Variants in AK8 observed in about 807,000 individuals in gnomAD.
The protein encoded by AK8 is ATP-AMP transphosphorylase 8.
In AK8, 44 loss-of-function variants were observed where a neutral mutation model predicts 54.6. That is an observed-to-expected ratio of 0.81 (90% CI 0.63 to 1.04). AK8 has a LOEUF of 1.04. Ranked by LOEUF, AK8 falls within the 50% of genes least tolerant of loss-of-function variation. AK8 has a pLI of 0.00. For synonymous variants in AK8, 239 were observed against 245.6 expected, an observed-to-expected ratio of 0.97 and a Z score of 0.25; for missense variants, 555 against 613.6, an observed-to-expected ratio of 0.90 and a Z score of 1.01.
At chr9:132,752,253 T>A (rs965984793) in intron 11 of AK8, among the ~76,000 whole-genome samples, 5 of 136,308 alleles carry the variant, frequency 3.7e-5, no homozygotes, top group East Asian at 2.1e-4. Context: ...TTTTCTAACT[T>A]TTTTTTTTTT....
At chr9:132,782,052 T>C (rs1314645850) in intron 11 of AK8, among the ~76,000 whole-genome samples, 2 of 152,220 alleles carry the variant, frequency 1.3e-5, no homozygotes, top group African/African-American at 4.8e-5. Flanking sequence ...CTGCCTGTCC[T>C]TCGCCCTAGG....
chr9:132,765,221 G>A (rs578168464), intron 11 of AK8, among the ~76,000 whole-genome samples: 75 of 139,048 alleles, frequency 5.4e-4, no homozygotes, highest in African/African-American at 1.9e-3. Flanking sequence ...TGAGCCCAGG[G>A]GGCGGAGGTT....
At chr9:132,843,883 T>G (rs1328758991) in intron 5 of AK8, among the ~76,000 whole-genome samples, 1 of 152,144 alleles carries the variant, frequency 6.6e-6, no homozygotes. Context: ...CATTCATTCT[T>G]TAAAAAGCCA....
chr9:132,868,433 C>T (rs988114021), intron 2 of AK8, among the ~76,000 whole-genome samples: 1 of 152,170 alleles, frequency 6.6e-6, no homozygotes, highest in Non-Finnish European at 1.5e-5. Context: ...TATGGCTGTT[C>T]CCTCCACGTT....
At chr9:132,875,332 G>A (rs929094505) in intron 1 of AK8, 133 bp from the exon 2 acceptor site, 335 of 1,481,082 alleles carry the variant, frequency 2.3e-4, no homozygotes, top group East Asian at 1.5e-3. Flanking sequence ...CCCAGCCACC[G>A]CCCCAGCTGG....
Position 132,792,737 on chromosome 9 carries a change from G to C in AK8, c.1018C>G (p.Leu340Val), listed in dbSNP as rs373241387. 6.4e-7 allele frequency: 1 copy of C among 1,558,980 alleles called. No homozygotes were observed. The highest frequency in any genetic ancestry group is 8.7e-7 in the Non-Finnish European group (1 of 1,151,744). The part of the protein sequence containing the change: ...SLLMKVLSQR[L>V]DQQDCIQKGW... ...TTCTGGATGCAGTCCTGCTGGTCCA[G>C]GCGCTGGCTCAGCACCTTCATGAGG... The change falls in exon 11 of 13, where the codon CTG becomes GTG. Residue 340 changes from leucine (L) to valine (V), a missense_variant. Coordinates refer to ENST00000298545, the MANE Select transcript of AK8 (RefSeq NM_152572.3).
chr9:132,830,714 A>G (rs1347705806), intron 5 of AK8, among the ~76,000 whole-genome samples: 2 of 152,098 alleles, frequency 1.3e-5, no homozygotes, highest in African/African-American at 4.8e-5. Context: ...TGTTGCCAAT[A>G]TTTTCAGCAG....
intron 9 of AK8, among the ~76,000 whole-genome samples, chr9:132,820,397 T>G (rs2131280318): frequency 6.6e-6 from 1 of 152,320 alleles, no homozygotes; most frequent in East Asian, 1.9e-4. Context: ...TAGCCATGTA[T>G]CACTGACATC....
At chr9:132,773,105 G>T (rs549662532) in intron 11 of AK8, among the ~76,000 whole-genome samples, 1 of 152,220 alleles carries the variant, frequency 6.6e-6, no homozygotes, top group African/African-American at 2.4e-5. Flanking sequence ...ATGGTCTCCT[G>T]TGACCTCTGA....
At chr9:132,757,155 G>C (rs139293080) in intron 11 of AK8, among the ~76,000 whole-genome samples, 1 of 151,972 alleles carries the variant, frequency 6.6e-6, no homozygotes, top group Non-Finnish European at 1.5e-5. Flanking sequence ...GGGGCAGCCA[G>C]AGTGACTGAC....
chr9:132,794,865 C>A (rs949687452), intron 10 of AK8, among the ~76,000 whole-genome samples: 1 of 152,224 alleles, frequency 6.6e-6, no homozygotes, highest in African/African-American at 2.4e-5. Flanking sequence ...CAGTCTCTCA[C>A]TCTCTGAGCG....
chr9:132,864,340 CCCTTCCAGGGCCTGGGGCTGG>C (rs1430731978), intron 3 of AK8, among the ~76,000 whole-genome samples: 1 of 152,184 alleles, frequency 6.6e-6, no homozygotes, highest in African/African-American at 2.4e-5. Flanking sequence ...GTTCTGAAGG[CCCTTCCAGGGCCTGGGGCTGG>C]TGTGAACCTT....
At chr9:132,744,226 G>A (rs568414959) in intron 11 of AK8, among the ~76,000 whole-genome samples, 5 of 152,158 alleles carry the variant, frequency 3.3e-5, no homozygotes, top group South Asian at 4.2e-4. Flanking sequence ...AAGACCCTTC[G>A]TCCCCAATCA....
In AK8 at chr9:132,806,668, G is replaced by C. The variant is rs1164166859; in HGVS notation, c.979+7970C>G. Among the ~76,000 whole-genome samples the C allele has an allele frequency of 6.6e-5, 10 of 152,330 alleles. No individual in the cohort carries two copies. The East Asian group carries it at 1.7e-3, about 26-fold the overall frequency. On this transcript the variant is annotated intron_variant, in intron 10 of 12. Coordinates refer to ENST00000298545, the MANE Select transcript of AK8 (RefSeq NM_152572.3). ...AACAAAAGAGAAAAACTGGTCTATG[G>C]TCGATCTTTAGTGTGCATTTAGTGA...
At position 132,765,658 on chromosome 9, in the gene AK8, C is replaced by T. The variant is rs115684560; in HGVS notation, c.1121+26976G>A. Among the ~76,000 whole-genome samples the T allele has an allele frequency of 4.5e-3, 680 of 152,184 alleles. 5 individuals are homozygous for T. The highest frequency in any genetic ancestry group is 0.016 in the African/African-American group (649 of 41,516). The stretch of plus-strand genomic sequence containing the variant: ...AAAACAACAACAACAAAACCCTCAA[C>T]GAACAATGTATAGAAGGAGTATATA... On this transcript the variant is annotated intron_variant, in intron 11 of 12. Transcript: ENST00000298545.
Position 132,741,045 on chromosome 9 carries a change from T to TG in AK8, c.1122-13512dup, listed in dbSNP as rs146171892. Among the ~76,000 whole-genome samples the TG allele has an allele frequency of 8.7e-3, 1,321 of 152,290 alleles. 17 individuals are homozygous for TG. Among genetic ancestry groups the TG allele is most frequent in the African/African-American group, 0.027 (1,134 of 41,578 alleles). On this transcript the variant is annotated intron_variant, in intron 11 of 12. Transcript: ENST00000298545. ...CTGGCCACCCAGCCTTCCTGCCACA[T>TG]GGTGGGAGTGCCTTTTCCCCCCATT...
chr9:132,846,068 G>GCATCTCTGGATTCTAGATTTCCAC (rs1346694530), intron 5 of AK8, among the ~76,000 whole-genome samples: 1 of 152,162 alleles, frequency 6.6e-6, no homozygotes, highest in African/African-American at 2.4e-5. Flanking sequence ...CTGAGGCCCT[G>GCATCTCTGGATTCTAGATTTCCAC]CATCTCTGGA....
At chr9:132,830,957 C>G (rs780204443) in intron 5 of AK8, among the ~76,000 whole-genome samples, 1 of 152,084 alleles carries the variant, frequency 6.6e-6, no homozygotes, top group Non-Finnish European at 1.5e-5. Flanking sequence ...TTCCAGTGTG[C>G]GAATGATATA....
intron 11 of AK8, among the ~76,000 whole-genome samples, chr9:132,775,276 C>T (rs1209551191): frequency 1.3e-5 from 2 of 152,020 alleles, no homozygotes; most frequent in Non-Finnish European, 2.9e-5. Context: ...TGCAGTGAGA[C>T]TGTTTGTGTC....
Sources: allele counts gnomAD v4.1 joint callset (sites outside exome capture counted in the v4.1 genomes callset), GRCh38; gene constraint gnomAD v4.1.1; transcripts MANE v1.5; gene names NCBI Gene and HGNC (gene_info 2026-07-23, HGNC 2026-07-21).